SUPT20H: variants seen among roughly 807,000 people sequenced by gnomAD.
SUPT20H encodes the protein transcription factor SPT20 homolog.
SUPT20H carries 82 observed loss-of-function variants against 122.8 expected under a neutral mutation model. The ratio of observed to expected loss-of-function variants is 0.67; its 90% CI spans 0.56 to 0.80. SUPT20H has a LOEUF of 0.80. Ranked by LOEUF, SUPT20H falls within the 30% of genes least tolerant of loss-of-function variation. The pLI is 0.00. For missense variants in SUPT20H, 831 were observed against 921.6 expected, an observed-to-expected ratio of 0.90 and a Z score of 1.27; for synonymous variants, 291 against 313.0, an observed-to-expected ratio of 0.93 and a Z score of 0.74.
intron 25 of SUPT20H, 99 bp from the exon 26 acceptor site, chr13:37,009,908 G>T: frequency 6.7e-7 from 1 of 1,489,450 alleles, no homozygotes; most frequent in African/African-American, 1.4e-5. Context: ...GAAAAAGGGA[G>T]AAAGCACCAA....
chr13:37,028,443 T>C (rs867672130), intron 13 of SUPT20H, 138 bp from the exon 14 acceptor site: 11 of 799,252 alleles, frequency 1.4e-5, no homozygotes, highest in Middle Eastern at 7.4e-4. Context: ...TACAAAGATA[T>C]TTAAGTCTGC....
At chr13:37,019,928 A>C (rs1019804531) in intron 21 of SUPT20H, among the ~76,000 whole-genome samples, 5 of 152,160 alleles carry the variant, frequency 3.3e-5, no homozygotes, top group African/African-American at 1.2e-4. Context: ...GTTAATTTAA[A>C]CTTATTCCTA....
chr13:37,030,398 A>G (rs2139898203), intron 12 of SUPT20H, among the ~76,000 whole-genome samples: 1 of 152,332 alleles, frequency 6.6e-6, no homozygotes, highest in Middle Eastern at 3.4e-3. Flanking sequence ...CACGATCTTA[A>G]GAGTAATTTA....
chr13:37,022,607 C>T lies in SUPT20H; in HGVS notation c.1592-527G>A. 1 of 1,104,438 alleles carries T rather than the reference C, an allele frequency of 9.1e-7. No homozygotes were observed. The highest frequency in any genetic ancestry group is 1.1e-6 in the Non-Finnish European group (1 of 907,452). The allele number at this position is 1,104,438 out of a possible 1,614,324, so 68.4% of individuals were successfully genotyped here. ...TACCCATTTAAAAGTTAGTTTCCTA[C>T]ATGCTGCCTTTGGCCTAAAAAGTTC... On this transcript the variant is annotated intron_variant, in intron 19 of 25. Coordinates refer to ENST00000350612, the MANE Select transcript of SUPT20H (RefSeq NM_001014286.3). This position sits in a 1 kb window ranked among gnomAD's most constrained non-coding sequence, Gnocchi z 4.5.
intron 23 of SUPT20H, chr13:37,013,555 T>C (rs1049498169): frequency 6.6e-6 from 1 of 151,314 alleles, no homozygotes; most frequent in Non-Finnish European, 1.5e-5. Context: ...CAGGAGAAAA[T>C]CTTTGGGACC....
At chr13:37,043,400 G>A (rs2065855026) in intron 7 of SUPT20H, among the ~76,000 whole-genome samples, 1 of 152,164 alleles carries the variant, frequency 6.6e-6, no homozygotes, top group Admixed American at 6.5e-5. Flanking sequence ...GCTTACCTAG[G>A]CAAGCTATGA....
At chr13:37,017,456 T>C (rs1377291503) in intron 22 of SUPT20H, 92 bp from the exon 23 acceptor site, 2 of 1,278,654 alleles carry the variant, frequency 1.6e-6, no homozygotes, top group Non-Finnish European at 2.1e-6. Context: ...GATCATTTGC[T>C]ATGTGTCACT....
intron 1 of SUPT20H, among the ~76,000 whole-genome samples, chr13:37,054,867 C>T (rs974240195): frequency 6.6e-5 from 10 of 152,066 alleles, no homozygotes; most frequent in African/African-American, 2.2e-4. Context: ...TCTAGAAAAC[C>T]CCATTGTCTC....
chr13:37,026,123 C>T (rs1008931836), intron 16 of SUPT20H, 81 bp downstream of exon 16: 2 of 1,150,304 alleles, frequency 1.7e-6, no homozygotes, highest in East Asian at 5.4e-5. Flanking sequence ...AAGTTTTTAA[C>T]TCCTAGTATT....
intron 24 of SUPT20H, among the ~76,000 whole-genome samples, chr13:37,011,386 A>G (rs184051021): frequency 6.4e-4 from 98 of 152,286 alleles, no homozygotes; most frequent in Non-Finnish European, 1.1e-3. Flanking sequence ...GAAATTCACT[A>G]CCTCTAAATT....
At chr13:37,028,050 A>G (rs1415315454) in intron 14 of SUPT20H, 98 bp downstream of exon 14, 1 of 1,188,658 alleles carries the variant, frequency 8.4e-7, no homozygotes, top group African/African-American at 1.6e-5. Context: ...GTTCCCAAAG[A>G]GAAATTTTTA....
At chr13:37,025,767 A>G in intron 16 of SUPT20H, 1 of 242,488 alleles carries the variant, frequency 4.1e-6, no homozygotes, top group East Asian at 1.2e-4. Flanking sequence ...TTAAAGTACT[A>G]TCTAGAAATC....
intron 17 of SUPT20H, 96 bp from the exon 18 acceptor site, chr13:37,024,538 A>G (rs2061883095): frequency 4.8e-6 from 4 of 832,740 alleles, no homozygotes; most frequent in Admixed American, 3.9e-5. Context: ...ATTAAATAAA[A>G]TTAATACTGC....
intron 1 of SUPT20H, among the ~76,000 whole-genome samples, chr13:37,058,636 T>C (rs1016741498): frequency 2.0e-5 from 3 of 152,178 alleles, no homozygotes; most frequent in Non-Finnish European, 4.4e-5. Flanking sequence ...GAAACTGTAA[T>C]CATTATCATT....
At chr13:37,058,240 G>T (rs1228993835) in intron 1 of SUPT20H, among the ~76,000 whole-genome samples, 2 of 152,094 alleles carry the variant, frequency 1.3e-5, no homozygotes, top group East Asian at 3.9e-4. Flanking sequence ...ACTCCAGCCT[G>T]GACAACAAGA....
chr13:37,024,207 A>G lies in SUPT20H; in HGVS notation c.1433-14T>C, dbSNP rs773325121. The G allele has an allele frequency of 6.3e-7, 1 of 1,594,312 alleles. No individual in the cohort carries two copies. Among genetic ancestry groups the G allele is most frequent in the South Asian group, 1.1e-5 (1 of 87,468 alleles). ...TAAAATAGTTACCTAGAAGAACATA[A>G]AAGTTATTTCCTAAATTTATAATTC... is the stretch of plus-strand genomic sequence containing the variant. On this transcript the variant is annotated splice_polypyrimidine_tract_variant and intron_variant, in intron 18 of 25. Coordinates refer to ENST00000350612, the MANE Select transcript of SUPT20H (RefSeq NM_001014286.3).
intron 18 of SUPT20H, 59 bp downstream of exon 18, chr13:37,024,281 A>C (rs1346577800): frequency 6.6e-7 from 1 of 1,521,728 alleles, no homozygotes; most frequent in Non-Finnish European, 8.8e-7. Context: ...TTTTAAAAAG[A>C]GATTATGATT....
chr13:37,058,506 T>C (rs2069756502), intron 1 of SUPT20H, among the ~76,000 whole-genome samples: 1 of 152,198 alleles, frequency 6.6e-6, no homozygotes, highest in Non-Finnish European at 1.5e-5. Flanking sequence ...TGTCACTAAA[T>C]TGGGGATGGG....
At position 37,058,367 on chromosome 13, in the gene SUPT20H, T is replaced by C. The variant is rs548819335; in HGVS notation, c.-94+1192A>G. Among the ~76,000 whole-genome samples the C allele has an allele frequency of 2.0e-4, 30 of 152,234 alleles. 1 individual carries two copies. Among genetic ancestry groups the C allele is most frequent in the Middle Eastern group, 3.2e-3 (1 of 316 alleles). On this transcript the variant is annotated intron_variant, in intron 1 of 25. Transcript: ENST00000350612. ...TTTACAATGAGTAAGATATTACTCC[T>C]ACCCTTGAAAAGCTCGTAGGAGGTT...
Sources: gnomAD v4.1 joint callset for allele counts (sites outside exome capture counted in the v4.1 genomes callset) on GRCh38, gnomAD v4.1.1 for gene constraint, Gnocchi (gnomAD v3.1) non-coding constraint, MANE v1.5 for transcripts, NCBI Gene and HGNC (gene_info 2026-07-23, HGNC 2026-07-21) for gene names.